Variants in KCNJ3 observed in about 807,000 individuals in gnomAD.
KCNJ3 encodes the protein G protein-activated inward rectifier potassium channel 1.
A neutral mutation model predicts 39.2 loss-of-function variants in KCNJ3; 4 were observed. The observed-to-expected ratio is 0.10, with a 90% confidence interval of 0.05 to 0.23. The LOEUF is 0.23. Among genes scored for constraint, KCNJ3 ranks in the 10% least tolerant of loss-of-function variants. KCNJ3 has a pLI of 1.00. For synonymous variants in KCNJ3, 230 were observed against 237.4 expected, an observed-to-expected ratio of 0.97 and a Z score of 0.29; for missense variants, 276 against 634.9, an observed-to-expected ratio of 0.43 and a Z score of 6.08.
At chr2:154,823,087 G>C (rs1413266123) in intron 2 of KCNJ3, among the ~76,000 whole-genome samples, 1 of 151,890 alleles carries the variant, frequency 6.6e-6, no homozygotes, top group African/African-American at 2.4e-5. Flanking sequence ...TACATTGTTT[G>C]ACTACTGGGA....
intron 2 of KCNJ3, among the ~76,000 whole-genome samples, chr2:154,720,173 C>T (rs570489133): frequency 2.6e-4 from 40 of 151,964 alleles, no homozygotes; most frequent in Middle Eastern, 3.4e-3. Context: ...AGAAAATATC[C>T]TCTTGGGACA....
At chr2:154,726,086 C>T (rs1685353020) in intron 2 of KCNJ3, among the ~76,000 whole-genome samples, 1 of 152,036 alleles carries the variant, frequency 6.6e-6, no homozygotes. Context: ...AAAGCAAATG[C>T]AGCAAAAACA....
chr2:154,713,046 A>G (rs1186606861), intron 2 of KCNJ3, among the ~76,000 whole-genome samples: 1 of 151,998 alleles, frequency 6.6e-6, no homozygotes, highest in Non-Finnish European at 1.5e-5. Flanking sequence ...AGAGTGAGCC[A>G]TGTGGAGAGT....
intron 2 of KCNJ3, among the ~76,000 whole-genome samples, chr2:154,735,069 CTGTGTG>C (rs10632638): frequency 1.4e-4 from 20 of 145,814 alleles, no homozygotes; most frequent in Non-Finnish European, 2.0e-4. Flanking sequence ...CCTTGTAGGC[CTGTGTG>C]TGTGTGTGTG....
intron 2 of KCNJ3, among the ~76,000 whole-genome samples, chr2:154,851,765 A>G (rs185391653): frequency 1.0e-3 from 159 of 152,312 alleles, no homozygotes; most frequent in Non-Finnish European, 1.8e-3. Flanking sequence ...TTTAATGCCA[A>G]CAAACATTTG....
intron 2 of KCNJ3, among the ~76,000 whole-genome samples, chr2:154,814,285 C>G (rs1687046364): frequency 6.6e-6 from 1 of 152,120 alleles, no homozygotes; most frequent in South Asian, 2.1e-4. Flanking sequence ...TATATAGTGT[C>G]TAATATAACG....
intron 2 of KCNJ3, among the ~76,000 whole-genome samples, chr2:154,802,742 G>A (rs1686841109): frequency 6.6e-6 from 1 of 152,062 alleles, no homozygotes; most frequent in African/African-American, 2.4e-5. Context: ...TTTATAATAT[G>A]TTGATTAACA....
chr2:154,796,121 T>C (rs1686716338), intron 2 of KCNJ3, among the ~76,000 whole-genome samples: 1 of 152,006 alleles, frequency 6.6e-6, no homozygotes, highest in Non-Finnish European at 1.5e-5. Context: ...TTAACGAAGG[T>C]TGGGATGCAG....
intron 2 of KCNJ3, among the ~76,000 whole-genome samples, chr2:154,767,233 C>A (rs1369990078): frequency 2.0e-5 from 3 of 151,762 alleles, no homozygotes; most frequent in Non-Finnish European, 4.4e-5. Context: ...ATGTGCACAA[C>A]GTGTAGGTTT....
At chr2:154,807,545 T>C (rs1014246595) in intron 2 of KCNJ3, among the ~76,000 whole-genome samples, 2 of 152,192 alleles carry the variant, frequency 1.3e-5, no homozygotes, top group Admixed American at 6.5e-5. Flanking sequence ...AATATTTGTC[T>C]ATACCAACTA....
intron 2 of KCNJ3, among the ~76,000 whole-genome samples, chr2:154,728,894 A>G (rs928259740): frequency 6.6e-6 from 1 of 152,158 alleles, no homozygotes. Context: ...AATTAACAAT[A>G]TTAAGATATT....
intron 2 of KCNJ3, among the ~76,000 whole-genome samples, chr2:154,851,299 C>T (rs1157071600): frequency 6.6e-6 from 1 of 152,026 alleles, no homozygotes; most frequent in Non-Finnish European, 1.5e-5. Context: ...TCTTAATATT[C>T]TATATTACTA....
intron 2 of KCNJ3, among the ~76,000 whole-genome samples, chr2:154,715,098 G>A (rs950950416): frequency 2.0e-5 from 3 of 152,126 alleles, no homozygotes; most frequent in Non-Finnish European, 4.4e-5. Flanking sequence ...AAGGGGGCAG[G>A]GTACCTGGCT....
chr2:154,828,878 C>A (rs1017519695), intron 2 of KCNJ3, among the ~76,000 whole-genome samples: 1 of 152,038 alleles, frequency 6.6e-6, no homozygotes, highest in Non-Finnish European at 1.5e-5. Context: ...AAAAATAGAA[C>A]TTATTTAACC....
At chr2:154,850,352 G>A (rs905576754) in intron 2 of KCNJ3, among the ~76,000 whole-genome samples, 1 of 152,072 alleles carries the variant, frequency 6.6e-6, no homozygotes. Context: ...TCTAATTCTA[G>A]AAGGAAGAAT....
intron 1 of KCNJ3, among the ~76,000 whole-genome samples, chr2:154,702,020 T>C (rs1192550089): frequency 6.6e-6 from 1 of 152,002 alleles, no homozygotes; most frequent in East Asian, 1.9e-4. Context: ...AGATTTGCCT[T>C]TAATAAGTTG....
chr2:154,746,572 A>G (rs1167200726), intron 2 of KCNJ3, among the ~76,000 whole-genome samples: 3 of 150,164 alleles, frequency 2.0e-5, no homozygotes, highest in African/African-American at 7.3e-5. Context: ...ACTTGTCTAT[A>G]TGGAGGGTCA....
At chr2:154,727,548 G>A (rs1008350427) in intron 2 of KCNJ3, among the ~76,000 whole-genome samples, 1 of 140,172 alleles carries the variant, frequency 7.1e-6, no homozygotes, top group South Asian at 2.2e-4. Flanking sequence ...AGCCGAGATC[G>A]TGCCATTGCA....
chr2:154,835,204 T>C (rs1687432765), intron 2 of KCNJ3, among the ~76,000 whole-genome samples: 1 of 151,916 alleles, frequency 6.6e-6, no homozygotes, highest in African/African-American at 2.4e-5. Flanking sequence ...TTTGTCAATA[T>C]GTATAAGAAA....
Sources: gnomAD v4.1 joint callset for allele counts (sites outside exome capture counted in the v4.1 genomes callset) on GRCh38, gnomAD v4.1.1 for gene constraint, MANE v1.5 for transcripts, NCBI Gene and HGNC (gene_info 2026-07-23, HGNC 2026-07-21) for gene names.